Variants in CSMD1 observed in about 807,000 individuals in gnomAD.
CSMD1 encodes the protein CUB and sushi domain-containing protein 1.
CSMD1 carries 213 observed loss-of-function variants against 417.5 expected under a neutral mutation model. The ratio of observed to expected loss-of-function variants is 0.51; its 90% CI spans 0.46 to 0.57. The LOEUF (loss-of-function observed/expected upper bound fraction) is 0.57. Among genes scored for constraint, CSMD1 ranks in the 20% least tolerant of loss-of-function variants. CSMD1 has a pLI of 0.00. For synonymous variants in CSMD1, 2,862 were observed against 1,736.8 expected (o/e 1.65, Z -16.11); for missense variants, 6,923 against 4,529.7 (o/e 1.53, Z -15.17).
At chr8:4,965,831 T>TC (rs1191407178) in intron 1 of CSMD1, among the ~76,000 whole-genome samples, 2 of 152,164 alleles carry the variant, frequency 1.3e-5, no homozygotes, top group African/African-American at 2.4e-5. Flanking sequence ...AATAAATGCA[T>TC]CTTCATGTTG....
At chr8:3,708,561 A>C in intron 6 of CSMD1, 70 bp from the exon 7 acceptor site, 1 of 1,307,404 alleles carries the variant, frequency 7.6e-7, no homozygotes. Flanking sequence ...GTATCCACAC[A>C]GCACTTCCAG....
chr8:4,892,358 T>G (rs557837028), intron 1 of CSMD1, among the ~76,000 whole-genome samples: 1 of 152,114 alleles, frequency 6.6e-6, no homozygotes, highest in East Asian at 1.9e-4. Context: ...GCAAGAAAAA[T>G]GGTGTGAACA....
chr8:3,039,730 T>C (rs754366852), intron 50 of CSMD1, among the ~76,000 whole-genome samples: 1 of 152,122 alleles, frequency 6.6e-6, no homozygotes, highest in African/African-American at 2.4e-5. Flanking sequence ...TCTTTCAAAA[T>C]ATTTTCCTGT....
chr8:3,647,699 G>C (rs932473024), intron 7 of CSMD1, among the ~76,000 whole-genome samples: 1 of 152,184 alleles, frequency 6.6e-6, no homozygotes, highest in Admixed American at 6.5e-5. Flanking sequence ...GTAAGACATT[G>C]ATTTTCTTTG....
chr8:3,083,646 ATATTTTTTTTTTTTTTTTTTT>A lies in CSMD1; in HGVS notation c.7474+3430_7474+3450del, dbSNP rs1814302495. Among the ~76,000 whole-genome samples, 5 of 16,744 alleles carry A rather than the reference ATATTTTTTTTTTTTTTTTTTT, an allele frequency of 3.0e-4. No homozygotes were observed. In the South Asian group the frequency reaches 0.014, roughly 47 times the overall value. The allele number at this position is 16,744 out of a possible 152,430, so 11.0% of individuals were successfully genotyped here. On this transcript the variant is annotated intron_variant, in intron 49 of 69. Coordinates refer to ENST00000635120, the MANE Select transcript of CSMD1 (RefSeq NM_033225.6). Reference sequence around the variant, plus strand: ...TATATATATATATATATATATATATATATTTTTTTTTTTTTTTTTTTTTTTTTTTTTTTTGGTCTCATTCTG... The same window carrying A: ...TATATATATATATATATATATATATATTTTTTTTTTTTTGGTCTCATTCTG...
At chr8:3,224,979 C>G (rs574761849) in intron 27 of CSMD1, among the ~76,000 whole-genome samples, 2 of 152,298 alleles carry the variant, frequency 1.3e-5, no homozygotes, top group African/African-American at 4.8e-5. Context: ...ACAATTAAAT[C>G]ATAGTATTCC....
intron 2 of CSMD1, among the ~76,000 whole-genome samples, chr8:4,586,875 G>A (rs1010428478): frequency 6.6e-6 from 1 of 152,110 alleles, no homozygotes; most frequent in Non-Finnish European, 1.5e-5. Flanking sequence ...TCCAGTATCT[G>A]GCATAGTATT....
chr8:3,982,571 C>G (rs1056458867), intron 5 of CSMD1, among the ~76,000 whole-genome samples: 15 of 151,876 alleles, frequency 9.9e-5, no homozygotes, highest in African/African-American at 3.6e-4. Context: ...AATTATGCGC[C>G]TAGTCATTTA....
intron 10 of CSMD1, among the ~76,000 whole-genome samples, chr8:3,564,466 G>A (rs1799608981): frequency 6.6e-6 from 1 of 150,908 alleles, no homozygotes; most frequent in Admixed American, 6.6e-5. Flanking sequence ...ACTTTACGTT[G>A]TACACTGATA....
At chr8:3,799,993 C>G (rs966567610) in intron 5 of CSMD1, among the ~76,000 whole-genome samples, 1 of 152,172 alleles carries the variant, frequency 6.6e-6, no homozygotes, top group Non-Finnish European at 1.5e-5. Flanking sequence ...CTGAAGTCCA[C>G]TATTTGTGTA....
intron 7 of CSMD1, among the ~76,000 whole-genome samples, chr8:3,695,006 T>C (rs537124208): frequency 1.3e-5 from 2 of 151,578 alleles, no homozygotes; most frequent in East Asian, 3.9e-4. Flanking sequence ...GATTAGGACA[T>C]TAGACGAAGA....
At chr8:3,505,601 C>G (rs968982349) in intron 10 of CSMD1, among the ~76,000 whole-genome samples, 13 of 152,032 alleles carry the variant, frequency 8.6e-5, no homozygotes, top group Admixed American at 7.9e-4. Flanking sequence ...GTACACAAAC[C>G]CAGAAGAACA....
intron 5 of CSMD1, among the ~76,000 whole-genome samples, chr8:3,919,098 T>C (rs1385560212): frequency 2.0e-5 from 3 of 151,018 alleles, no homozygotes; most frequent in African/African-American, 7.3e-5. Context: ...ATTTTGCAGA[T>C]TGTTTCTTTT....
At chr8:3,055,056 C>T (rs760864317) in intron 49 of CSMD1, among the ~76,000 whole-genome samples, 14 of 152,184 alleles carry the variant, frequency 9.2e-5, no homozygotes, top group Non-Finnish European at 2.1e-4. Context: ...CACTCGCTGG[C>T]TGGAATGTGC....
Position 4,312,436 on chromosome 8 carries a change from T to TAC in CSMD1, c.415+107516_415+107517insGT, listed in dbSNP as rs1563435289. Among the ~76,000 whole-genome samples, 12 of 116,892 alleles carry TAC rather than the reference T, an allele frequency of 1.0e-4. 1 individual carries two copies. The highest frequency in any genetic ancestry group is 6.1e-4 in the African/African-American group (12 of 19,702). The allele number at this position is 116,892 out of a possible 152,430, so 76.7% of individuals were successfully genotyped here. On this transcript the variant is annotated intron_variant, in intron 3 of 69. Coordinates refer to ENST00000635120, the MANE Select transcript of CSMD1 (RefSeq NM_033225.6). ...GTATATATATGCGCGTATATATATA[T>TAC]GCGTATATATATACGTATATATATG...
chr8:4,701,108 G>C (rs1207609177), intron 1 of CSMD1, among the ~76,000 whole-genome samples: 1 of 152,066 alleles, frequency 6.6e-6, no homozygotes, highest in African/African-American at 2.4e-5. Flanking sequence ...GATGAAAGGT[G>C]AATGTTGCAA....
intron 7 of CSMD1, among the ~76,000 whole-genome samples, chr8:3,659,718 C>CTAG (rs1798314201): frequency 6.6e-6 from 1 of 152,160 alleles, no homozygotes; most frequent in Non-Finnish European, 1.5e-5. Context: ...ATCAGTTCTA[C>CTAG]ACTCCATAAT....
chr8:4,819,676 TTTGTAAA>T (rs1799409761), intron 1 of CSMD1, among the ~76,000 whole-genome samples: 1 of 152,132 alleles, frequency 6.6e-6, no homozygotes, highest in Non-Finnish European at 1.5e-5. Context: ...GTCTCAGTCT[TTTGTAAA>T]TTCTGTCCCA....
At chr8:3,048,399 G>A (rs1215738336) in intron 50 of CSMD1, among the ~76,000 whole-genome samples, 1 of 152,112 alleles carries the variant, frequency 6.6e-6, no homozygotes, top group Non-Finnish European at 1.5e-5. Flanking sequence ...ATGTGTCAAT[G>A]GAACAGAATA....
Sources: gnomAD v4.1 joint callset for allele counts (sites outside exome capture counted in the v4.1 genomes callset) on GRCh38, gnomAD v4.1.1 for gene constraint, MANE v1.5 for transcripts, NCBI Gene and HGNC (gene_info 2026-07-23, HGNC 2026-07-21) for gene names.